The following USH2A variants were observed in gnomAD, a reference collection of about 807,000 sequenced individuals.
USH2A encodes the protein Usher syndrome 2A (autosomal recessive, mild).
USH2A carries 443 observed loss-of-function variants against 538.9 expected under a neutral mutation model. That is an observed-to-expected ratio of 0.82 (90% confidence interval 0.76 to 0.89). USH2A has a LOEUF of 0.89. Among genes scored for constraint, USH2A ranks in the 40% least tolerant of loss-of-function variants. The probability of loss-of-function intolerance (pLI) is 0.00; values close to 1 mark genes in which losing one functional copy is unlikely to be tolerated. For synonymous variants in USH2A, 2,413 were observed against 2,273.5 expected (o/e 1.06, Z -1.75); for missense variants, 6,633 against 6,324.8 (o/e 1.05, Z -1.65).
At position 215,728,139 on chromosome 1, in the gene USH2A, G is replaced by A. The variant is rs765184367; in HGVS notation, c.11957C>T (p.Thr3986Ile). ...AATGCCATTGGGAGATTCTGGCTTT[G>A]TCCAATTCAACAGAACTGAATGAGC... ...TSAHSVLLNW[T>I]KPESPNGIIS... The change falls in exon 61 of 72, where the codon ACA (threonine) becomes ATA (isoleucine). Residue 3986 changes from threonine to isoleucine, a missense_variant. By Grantham distance (89) the Thr-to-Ile change is moderately conservative. Transcript: ENST00000307340. 2 of 1,614,076 alleles carry A rather than the reference G, an allele frequency of 1.2e-6. No individual in the cohort carries two copies. The highest frequency in any genetic ancestry group is 4.5e-5 in the East Asian group (2 of 44,882).
At chr1:215,931,871 G>A (rs1036343136) in intron 38 of USH2A, among the ~76,000 whole-genome samples, 3 of 151,902 alleles carry the variant, frequency 2.0e-5, no homozygotes, top group Admixed American at 1.3e-4. Flanking sequence ...CTGGGATACA[G>A]AAAGGCCCTA....
chr1:215,941,797 A>G (rs977379773), intron 37 of USH2A, among the ~76,000 whole-genome samples: 3 of 151,818 alleles, frequency 2.0e-5, no homozygotes, highest in African/African-American at 7.3e-5. Context: ...TATACTTGAG[A>G]TGGTTCCTCT....
rs566093520 is a variant in USH2A, at chr1:216,386,250, C to T, written c.652-21165G>A. On this transcript the variant is annotated intron_variant, in intron 3 of 71. Coordinates refer to ENST00000307340, the MANE Select transcript of USH2A (RefSeq NM_206933.4). ...CAGTGGCTCATGCCTGTAATCCCAG[C>T]ACTTTGGGAGGCTAAGGCAGGCGGA... 7.5e-3 allele frequency among the ~76,000 whole-genome samples: 1,145 copies of T among 152,174 alleles called. 7 individuals carry two copies. Among genetic ancestry groups the T allele is most frequent in the Non-Finnish European group, 0.01 (697 of 68,000 alleles).
chr1:215,641,516 G>T (rs1656684569), intron 67 of USH2A, among the ~76,000 whole-genome samples: 1 of 152,126 alleles, frequency 6.6e-6, no homozygotes, highest in African/African-American at 2.4e-5. Flanking sequence ...CTTAACTGGG[G>T]CTCACCTTTT....
Position 215,743,371 on chromosome 1 carries a change from CAT to C in USH2A, c.11390-38_11390-37del, listed in dbSNP as rs376081393. ...AGAGAGAGAGAGAGAACATTAAAAA[CAT>C]ATATATATATATATGTGTGTGTGTG... On this transcript the variant is annotated intron_variant, in intron 58 of 71. Coordinates refer to ENST00000307340, the MANE Select transcript of USH2A (RefSeq NM_206933.4). 149 of 405,784 alleles carry C rather than the reference CAT, an allele frequency of 3.7e-4. 4 individuals carry two copies. The highest frequency in any genetic ancestry group is 8.4e-4 in the South Asian group (34 of 40,632). 25.1% of individuals were successfully genotyped at this position (405,784 alleles called of 1,614,324 possible).
At chr1:216,280,650 T>A (rs928401408) in intron 11 of USH2A, among the ~76,000 whole-genome samples, 6 of 152,204 alleles carry the variant, frequency 3.9e-5, no homozygotes, top group Non-Finnish European at 8.8e-5. Flanking sequence ...ATTCAGTGAC[T>A]CAGAGCATTA....
intron 61 of USH2A, among the ~76,000 whole-genome samples, chr1:215,682,237 GTAA>G (rs1256832865): frequency 6.6e-6 from 1 of 152,142 alleles, no homozygotes; most frequent in African/African-American, 2.4e-5. Flanking sequence ...AAAGCAAATA[GTAA>G]TCACCTCTAA....
At chr1:216,177,968 A>G (rs1467731701) in intron 20 of USH2A, among the ~76,000 whole-genome samples, 1 of 152,172 alleles carries the variant, frequency 6.6e-6, no homozygotes, top group Non-Finnish European at 1.5e-5. Context: ...TAACACAGCC[A>G]TACACAGACG....
rs1460472883 is a variant in USH2A, at chr1:215,965,361, A to G, written c.7076T>C (p.Leu2359Ser). Residue 2359 changes from leucine (L) to serine (S), a missense_variant, in exon 37 of 72, where the codon TTA becomes TCA. Coordinates refer to ENST00000307340, the MANE Select transcript of USH2A (RefSeq NM_206933.4). The stretch of plus-strand genomic sequence containing the variant: ...CCCAGTGAAAAGGACTGAGTGTGTT[A>G]AGAGTCCATTAGGGCGAAAAGGTGC... ...WEAPFRPNGL[L>S]THSVLFTGIF... 1.9e-6 allele frequency: 3 copies of G among 1,613,898 alleles called. No individual in the cohort carries two copies. The East Asian group carries it at 6.7e-5, about 36-fold the overall frequency.
Position 215,838,046 on chromosome 1 carries a change from C to G in USH2A, c.9316G>C (p.Val3106Leu). The G allele has an allele frequency of 6.2e-7, 1 of 1,614,038 alleles. No individual in the cohort carries two copies. Among genetic ancestry groups the G allele is most frequent in the Non-Finnish European group, 8.5e-7 (1 of 1,179,952 alleles). ...GGTATATCACTTGGAGTGTCTTCCACAGTGGTAATTTGGGTTCCATTGCTT... is the reference window on the plus strand; with the variant it reads ...GGTATATCACTTGGAGTGTCTTCCAGAGTGGTAATTTGGGTTCCATTGCTT... ...VKSNGTQITT[V>L]EDTPSDIPTP... Residue 3106 changes from valine to leucine, a missense_variant, in exon 47 of 72, where the codon GTG becomes CTG. Val to Leu is a conservative substitution (Grantham distance 32). Transcript: ENST00000307340.
At chr1:216,002,495 A>T (rs1165647581) in intron 32 of USH2A, among the ~76,000 whole-genome samples, 2 of 152,114 alleles carry the variant, frequency 1.3e-5, no homozygotes, top group Non-Finnish European at 2.9e-5. Context: ...TGGGTAATTC[A>T]GTGCAATTGG....
At chr1:216,264,938 C>T (rs955228950) in intron 11 of USH2A, among the ~76,000 whole-genome samples, 5 of 151,958 alleles carry the variant, frequency 3.3e-5, no homozygotes, top group South Asian at 2.1e-4. Context: ...AACTCTTCAA[C>T]GTAAGACCCA....
intron 3 of USH2A, among the ~76,000 whole-genome samples, chr1:216,400,573 A>G (rs887335549): frequency 6.6e-6 from 1 of 152,188 alleles, no homozygotes; most frequent in African/African-American, 2.4e-5. Flanking sequence ...TAACAAACAC[A>G]TGCAAGAAGC....
intron 61 of USH2A, among the ~76,000 whole-genome samples, chr1:215,717,921 T>C (rs963259906): frequency 1.2e-4 from 19 of 152,220 alleles, no homozygotes; most frequent in Non-Finnish European, 2.4e-4. Flanking sequence ...CAACTGATTA[T>C]GTAACTAGAT....
rs2032222346 is a variant in USH2A at position 216,089,087 on chromosome 1, T to A, written c.4811A>T (p.Asp1604Val). 3.7e-6 allele frequency: 6 copies of A among 1,613,472 alleles called. No individual in the cohort carries two copies. The highest frequency in any genetic ancestry group is 5.1e-6 in the Non-Finnish European group (6 of 1,179,552). Reference protein sequence around the residue: ...TTNDHGKQYSDGKWHEIIAIR... With the variant: ...TTNDHGKQYSVGKWHEIIAIR... The stretch of plus-strand genomic sequence containing the variant: ...AGCAATTATTTCATGCCATTTTCCA[T>A]CACTATATTGTTTGCCATGATCATT... Residue 1604 changes from aspartate to valine, a missense_variant, in exon 23 of 72, where the codon GAT (aspartate) becomes GTT (valine). Asp to Val is a radical substitution (Grantham distance 152, BLOSUM62 -3). Coordinates refer to ENST00000307340, the MANE Select transcript of USH2A (RefSeq NM_206933.4).
At chr1:216,004,339 G>A (rs901832168) in intron 32 of USH2A, among the ~76,000 whole-genome samples, 1 of 152,100 alleles carries the variant, frequency 6.6e-6, no homozygotes, top group Non-Finnish European at 1.5e-5. Flanking sequence ...AGGCCAATGA[G>A]TAAAGGAGAA....
chr1:215,759,550 G>A (rs1660917208), intron 57 of USH2A, 110 bp downstream of exon 57: 1 of 1,338,484 alleles, frequency 7.5e-7, no homozygotes, highest in Non-Finnish European at 1.1e-6. Flanking sequence ...CAATGAATGA[G>A]GAAGTTAATT....
intron 46 of USH2A, among the ~76,000 whole-genome samples, chr1:215,840,564 C>G (rs1296732414): frequency 6.6e-6 from 1 of 152,176 alleles, no homozygotes; most frequent in Non-Finnish European, 1.5e-5. Context: ...TTTATACCTA[C>G]TGGCTTGAGT....
At chr1:215,998,211 C>T (rs577108473) in intron 34 of USH2A, among the ~76,000 whole-genome samples, 11 of 152,040 alleles carry the variant, frequency 7.2e-5, no homozygotes, top group African/African-American at 1.7e-4. Flanking sequence ...TATTTTCAGA[C>T]GTGCTATTAA....
Sources: gnomAD v4.1 joint callset for allele counts (sites outside exome capture counted in the v4.1 genomes callset) on GRCh38, gnomAD v4.1.1 for gene constraint, MANE v1.5 for transcripts, NCBI Gene and HGNC (gene_info 2026-07-23, HGNC 2026-07-21) for gene names.